Variants in ATP6V0E1 observed in about 807,000 individuals in gnomAD.
The protein encoded by ATP6V0E1 is ATPase H+ transporting V0 subunit e1.
ATP6V0E1 carries 4 observed loss-of-function variants against 11.6 expected under a neutral mutation model. That is an observed-to-expected ratio of 0.35 (90% CI 0.17 to 0.79). The LOEUF (loss-of-function observed/expected upper bound fraction) is 0.79. ATP6V0E1 is among the 30% of genes least tolerant of loss of function. The pLI is 0.54. For synonymous variants in ATP6V0E1, 36 were observed against 34.8 expected (o/e 1.04, Z -0.13); for missense variants, 105 against 100.0 (o/e 1.05, Z -0.21).
intron 3 of ATP6V0E1, among the ~76,000 whole-genome samples, chr5:173,024,297 G>A (rs182309431): frequency 1.6e-4 from 25 of 151,970 alleles, no homozygotes; most frequent in Non-Finnish European, 2.5e-4. Flanking sequence ...TAAGATGTTG[G>A]TGGCCAAGTT....
intron 3 of ATP6V0E1, among the ~76,000 whole-genome samples, chr5:173,033,145 G>T (rs1045218440): frequency 1.3e-5 from 2 of 152,164 alleles, no homozygotes; most frequent in African/African-American, 4.8e-5. Context: ...TGTCACCTAG[G>T]CTGGGGTGCA....
chr5:173,017,578 C>T (rs1756420514), intron 2 of ATP6V0E1, among the ~76,000 whole-genome samples: 1 of 148,774 alleles, frequency 6.7e-6, no homozygotes, highest in East Asian at 2.0e-4. Flanking sequence ...TGCAGTGGCT[C>T]ACGCCTGTAA....
At chr5:173,032,129 C>G (rs1756669509) in intron 3 of ATP6V0E1, among the ~76,000 whole-genome samples, 1 of 151,810 alleles carries the variant, frequency 6.6e-6, no homozygotes, top group Admixed American at 6.6e-5. Context: ...TTACTCCAGC[C>G]TGGATGACAG....
At chr5:173,023,650 G>C (rs1474980611) in intron 3 of ATP6V0E1, among the ~76,000 whole-genome samples, 1 of 152,148 alleles carries the variant, frequency 6.6e-6, no homozygotes, top group South Asian at 2.1e-4. Flanking sequence ...TTCGAGACCA[G>C]CTTGGGCAAT....
At chr5:173,031,557 G>A (rs927825219) in intron 3 of ATP6V0E1, among the ~76,000 whole-genome samples, 16 of 150,648 alleles carry the variant, frequency 1.1e-4, no homozygotes, top group African/African-American at 2.4e-4. Flanking sequence ...GGTGGCTCAC[G>A]CCTGTAATCC....
At chr5:172,997,926 G>C (rs1756092056) in intron 2 of ATP6V0E1, among the ~76,000 whole-genome samples, 1 of 151,852 alleles carries the variant, frequency 6.6e-6, no homozygotes, top group South Asian at 2.1e-4. Flanking sequence ...AGACCAGCCT[G>C]AGCAACATGT....
chr5:173,033,721 G>A (rs1426238768), intron 3 of ATP6V0E1, among the ~76,000 whole-genome samples: 1 of 151,998 alleles, frequency 6.6e-6, no homozygotes, highest in Non-Finnish European at 1.5e-5. Context: ...GCGTGCACCT[G>A]TAGTTCCAGC....
chr5:173,015,739 G>T (rs905274959), intron 2 of ATP6V0E1, among the ~76,000 whole-genome samples: 1 of 152,064 alleles, frequency 6.6e-6, no homozygotes. Flanking sequence ...TCTTTTGTTA[G>T]TTTGTTTGAG....
intron 1 of ATP6V0E1, 95 bp from the exon 2 acceptor site, chr5:172,994,680 A>C: frequency 9.9e-7 from 1 of 1,010,240 alleles, no homozygotes; most frequent in Middle Eastern, 2.1e-4. Flanking sequence ...AATCCATGCC[A>C]GTTTGATAAT....
chr5:173,001,380 A>G (rs923591599), intron 2 of ATP6V0E1, among the ~76,000 whole-genome samples: 5 of 152,134 alleles, frequency 3.3e-5, no homozygotes, highest in Admixed American at 6.5e-5. Flanking sequence ...ATGACCTCAG[A>G]AGATTCCCCT....
intron 2 of ATP6V0E1, among the ~76,000 whole-genome samples, chr5:173,012,571 G>A (rs976980107): frequency 1.3e-5 from 2 of 151,582 alleles, no homozygotes; most frequent in East Asian, 2.0e-4. Flanking sequence ...TGACCAATAC[G>A]CAGAAACCCC....
intron 3 of ATP6V0E1, among the ~76,000 whole-genome samples, chr5:173,023,912 A>T (rs938524406): frequency 6.6e-6 from 1 of 152,090 alleles, no homozygotes; most frequent in African/African-American, 2.4e-5. Context: ...AATATAGATC[A>T]TGGGGCCGGG....
intron 1 of ATP6V0E1, among the ~76,000 whole-genome samples, chr5:172,990,897 G>A (rs189817277): frequency 6.6e-6 from 1 of 151,654 alleles, no homozygotes; most frequent in East Asian, 1.9e-4. Flanking sequence ...TAAACACCTG[G>A]CCTCAGCCTC....
At chr5:173,012,979 C>T (rs753099708) in intron 2 of ATP6V0E1, among the ~76,000 whole-genome samples, 1 of 151,712 alleles carries the variant, frequency 6.6e-6, no homozygotes, top group Non-Finnish European at 1.5e-5. Flanking sequence ...TCGAGACCAG[C>T]TTAGGCAGCA....
intron 1 of ATP6V0E1, among the ~76,000 whole-genome samples, chr5:172,992,260 C>T (rs961853726): frequency 6.6e-6 from 1 of 152,164 alleles, no homozygotes; most frequent in African/African-American, 2.4e-5. Flanking sequence ...ACCGTGTTAG[C>T]CAGGATGGTC....
chr5:172,992,542 C>G (rs73803692), intron 1 of ATP6V0E1, among the ~76,000 whole-genome samples: 3,251 of 152,160 alleles, frequency 0.021, 119 homozygotes, highest in African/African-American at 0.073. Flanking sequence ...TGGAACACTC[C>G]GTCACCTTGT....
intron 2 of ATP6V0E1, among the ~76,000 whole-genome samples, chr5:173,016,476 C>T (rs1379394348): frequency 6.6e-6 from 1 of 152,188 alleles, no homozygotes. Flanking sequence ...TAATTTGCAG[C>T]TGGGGAGGAG....
At chr5:173,032,957 A>G (rs1389282888) in intron 3 of ATP6V0E1, among the ~76,000 whole-genome samples, 1 of 152,204 alleles carries the variant, frequency 6.6e-6, no homozygotes, top group Non-Finnish European at 1.5e-5. Context: ...TTAGCTGGGC[A>G]TGATGGCGTG....
chr5:172,986,131 G>A (rs556111562), intron 1 of ATP6V0E1, among the ~76,000 whole-genome samples: 1 of 152,336 alleles, frequency 6.6e-6, no homozygotes, highest in Non-Finnish European at 1.5e-5. Flanking sequence ...CTGTGAGTGA[G>A]TCAGTGACTG....
Sources: gnomAD v4.1 joint callset for allele counts (sites outside exome capture counted in the v4.1 genomes callset) on GRCh38, gnomAD v4.1.1 for gene constraint, MANE v1.5 for transcripts, NCBI Gene and HGNC (gene_info 2026-07-23, HGNC 2026-07-21) for gene names.